The following SORCS2 variants were observed in gnomAD, a reference collection of about 807,000 sequenced individuals.
The protein encoded by SORCS2 is sortilin related VPS10 domain containing receptor 2, also known as VPS10 domain-containing receptor SorCS2.
SORCS2 carries 100 observed loss-of-function variants against 141.6 expected under a neutral mutation model. That is an observed-to-expected ratio of 0.71 (90% CI 0.60 to 0.83). SORCS2 has a LOEUF of 0.83. SORCS2 is among the 40% of genes least tolerant of loss of function. The pLI is 0.00. For synonymous variants in SORCS2, 789 were observed against 676.9 expected, an observed-to-expected ratio of 1.17 and a Z score of -2.57; for missense variants, 1,646 against 1,560.2, an observed-to-expected ratio of 1.05 and a Z score of -0.93.
chr4:7,477,461 G>C (rs1016095352), intron 2 of SORCS2, among the ~76,000 whole-genome samples: 1 of 148,700 alleles, frequency 6.7e-6, no homozygotes, highest in African/African-American at 2.4e-5. Context: ...CTGACCAAGG[G>C]CAAGGGCCTC....
chr4:7,551,876 C>T (rs1713732269), intron 3 of SORCS2, among the ~76,000 whole-genome samples: 1 of 152,134 alleles, frequency 6.6e-6, no homozygotes, highest in Non-Finnish European at 1.5e-5. Flanking sequence ...TTGTAATATA[C>T]AAATAATACC....
chr4:7,565,298 GCTCTT>G (rs917502767), intron 3 of SORCS2, among the ~76,000 whole-genome samples: 2 of 152,150 alleles, frequency 1.3e-5, no homozygotes, highest in African/African-American at 4.8e-5. Context: ...GGATTATTCT[GCTCTT>G]GGAATAAAAG....
intron 6 of SORCS2, among the ~76,000 whole-genome samples, chr4:7,661,984 A>G (rs1486879509): frequency 6.6e-6 from 1 of 152,144 alleles, no homozygotes; most frequent in Non-Finnish European, 1.5e-5. Flanking sequence ...GAATCCCCAC[A>G]GAGACATCCT....
chr4:7,564,310 T>C (rs1327491797), intron 3 of SORCS2, among the ~76,000 whole-genome samples: 2 of 152,240 alleles, frequency 1.3e-5, no homozygotes, highest in East Asian at 3.9e-4. Flanking sequence ...TCCTTGCCTC[T>C]CCTGGTTCTG....
At chr4:7,481,742 C>T (rs1399011264) in intron 2 of SORCS2, among the ~76,000 whole-genome samples, 1 of 152,048 alleles carries the variant, frequency 6.6e-6, no homozygotes, top group Non-Finnish European at 1.5e-5. Flanking sequence ...TGTGGGAACA[C>T]AGAGCTGGGT....
intron 2 of SORCS2, among the ~76,000 whole-genome samples, chr4:7,491,659 C>G (rs1369055553): frequency 3.3e-5 from 5 of 152,224 alleles, no homozygotes; most frequent in African/African-American, 1.2e-4. Context: ...GAGATGATAG[C>G]GGACAAGGCT....
chr4:7,725,062 A>G (rs1317729043), intron 19 of SORCS2, 92 bp from the exon 20 acceptor site: 15 of 1,391,230 alleles, frequency 1.1e-5, no homozygotes, highest in Non-Finnish European at 1.5e-5. Context: ...GATGATAGCA[A>G]TGAAGTTGCT....
chr4:7,640,027 A>T (rs924566673), intron 4 of SORCS2, among the ~76,000 whole-genome samples: 1 of 145,950 alleles, frequency 6.9e-6, no homozygotes, highest in Non-Finnish European at 1.5e-5. Context: ...GGGAGTGTGT[A>T]CGTGAGTGTG....
intron 18 of SORCS2, among the ~76,000 whole-genome samples, chr4:7,720,455 G>T (rs1043217317): frequency 3.9e-5 from 6 of 152,166 alleles, no homozygotes; most frequent in Non-Finnish European, 8.8e-5. Flanking sequence ...GCTAGGAGAG[G>T]AGTCCTCAGA....
At chr4:7,520,618 G>A (rs763533650) in intron 2 of SORCS2, among the ~76,000 whole-genome samples, 31 of 152,298 alleles carry the variant, frequency 2.0e-4, no homozygotes, top group Admixed American at 5.2e-4. Flanking sequence ...TGGGAGACGC[G>A]GCTCAGGGCG....
chr4:7,543,618 A>G (rs1432879881), intron 3 of SORCS2, among the ~76,000 whole-genome samples: 16 of 142,478 alleles, frequency 1.1e-4, no homozygotes, highest in African/African-American at 4.0e-4. Flanking sequence ...CCGTCCATCC[A>G]CCCATCCATC....
intron 14 of SORCS2, among the ~76,000 whole-genome samples, chr4:7,705,350 T>C (rs1484420222): frequency 6.6e-6 from 1 of 152,178 alleles, no homozygotes; most frequent in Non-Finnish European, 1.5e-5. Flanking sequence ...TGAGAGAGCA[T>C]GTGAGCAATG....
chr4:7,519,198 G>A (rs965183091), intron 2 of SORCS2, among the ~76,000 whole-genome samples: 1 of 152,126 alleles, frequency 6.6e-6, no homozygotes, highest in African/African-American at 2.4e-5. Context: ...CCGGGAGCAT[G>A]ACCAGGGAGC....
chr4:7,194,956 A>G (rs1727082149), intron 1 of SORCS2, among the ~76,000 whole-genome samples: 1 of 152,030 alleles, frequency 6.6e-6, no homozygotes, highest in Non-Finnish European at 1.5e-5. Context: ...GTGAGGGGAT[A>G]GGCTGACATC....
At chr4:7,732,383 G>T (rs537967696) in intron 23 of SORCS2, among the ~76,000 whole-genome samples, 1 of 152,152 alleles carries the variant, frequency 6.6e-6, no homozygotes, top group Non-Finnish European at 1.5e-5. Flanking sequence ...GAGAGGGGCC[G>T]GGAGGGAGTG....
intron 3 of SORCS2, among the ~76,000 whole-genome samples, chr4:7,543,091 G>T (rs963676889): frequency 2.0e-5 from 3 of 152,212 alleles, no homozygotes; most frequent in Non-Finnish European, 4.4e-5. Context: ...CCCAGGTTTT[G>T]GGGGGCCTTG....
chr4:7,412,795 C>T (rs1725404699), intron 2 of SORCS2, among the ~76,000 whole-genome samples: 1 of 151,996 alleles, frequency 6.6e-6, no homozygotes, highest in Admixed American at 6.5e-5. Flanking sequence ...CCCATGGGAG[C>T]CCTTTTGGAT....
chr4:7,526,643 C>G (rs1031153686), intron 2 of SORCS2, among the ~76,000 whole-genome samples: 2 of 152,196 alleles, frequency 1.3e-5, no homozygotes, highest in Admixed American at 1.3e-4. Context: ...AGCCCCCCAG[C>G]TGGCCCTGAC....
At chr4:7,312,164 C>T (rs925754854) in intron 1 of SORCS2, among the ~76,000 whole-genome samples, 9 of 152,182 alleles carry the variant, frequency 5.9e-5, no homozygotes, top group South Asian at 2.1e-4. Context: ...CATGAGCCAC[C>T]GCACCCAGCC....
Sources: gnomAD v4.1 joint callset for allele counts (sites outside exome capture counted in the v4.1 genomes callset) on GRCh38, gnomAD v4.1.1 for gene constraint, MANE v1.5 for transcripts, NCBI Gene and HGNC (gene_info 2026-07-23, HGNC 2026-07-21) for gene names.